Variants in DNM3 observed in about 807,000 individuals in gnomAD.
The protein encoded by DNM3 is dynamin-3.
Under a neutral mutation model 101.6 loss-of-function variants are expected in DNM3, and 47 were observed. The observed-to-expected ratio is 0.46, with a 90% CI of 0.37 to 0.59. The LOEUF (loss-of-function observed/expected upper bound fraction) is 0.59, where lower values mean the gene tolerates loss of function less well. Ranked by LOEUF, DNM3 falls within the 20% of genes least tolerant of loss-of-function variation. The probability of loss-of-function intolerance (pLI) is 0.00; values close to 1 mark genes in which losing one functional copy is unlikely to be tolerated. For missense variants in DNM3, 849 were observed against 1,085.7 expected, an observed-to-expected ratio of 0.78 and a Z score of 3.06; for synonymous variants, 385 against 387.9, an observed-to-expected ratio of 0.99 and a Z score of 0.09.
chr1:172,167,428 T>A (rs2058791737), intron 14 of DNM3, among the ~76,000 whole-genome samples: 1 of 152,126 alleles, frequency 6.6e-6, no homozygotes, highest in Admixed American at 6.6e-5. Flanking sequence ...CCTCTGGGTA[T>A]ATACCCAGGA....
At chr1:172,003,626 C>T (rs1016651829) in intron 4 of DNM3, among the ~76,000 whole-genome samples, 1 of 151,720 alleles carries the variant, frequency 6.6e-6, no homozygotes, top group Non-Finnish European at 1.5e-5. Context: ...TGCCAGGTAC[C>T]TTGAATACAA....
At chr1:172,017,440 T>G (rs546041400) in intron 4 of DNM3, among the ~76,000 whole-genome samples, 131 of 152,262 alleles carry the variant, frequency 8.6e-4, no homozygotes, top group African/African-American at 2.9e-3. Flanking sequence ...CTCATAAGAT[T>G]TTTTTTACCC....
intron 14 of DNM3, among the ~76,000 whole-genome samples, chr1:172,178,401 T>A (rs1262721166): frequency 6.6e-6 from 1 of 151,958 alleles, no homozygotes; most frequent in East Asian, 1.9e-4. Flanking sequence ...ATTTATTGAG[T>A]ATTTATTATG....
chr1:172,410,339 C>T lies in DNM3; in HGVS notation c.*2498C>T, dbSNP rs2071135489. 1.0e-6 allele frequency: 1 copy of T among 985,170 alleles called. No homozygotes were observed. The highest frequency in any genetic ancestry group is 1.7e-5 in the African/African-American group (1 of 57,202). The allele number at this position is 985,170 out of a possible 1,614,324, so 61.0% of individuals were successfully genotyped here. A position where few individuals can be genotyped will look rare whatever the true frequency, so the allele number is the denominator to read the frequency against. On this transcript the variant is annotated 3_prime_UTR_variant, in exon 21 of 21. Coordinates refer to ENST00000627582, the MANE Select transcript of DNM3 (RefSeq NM_015569.5). ...AATGTAGCTTAATGATTTTCTGTTT[C>T]CCATACCATTTCTAATCTTTTGTGT... is the stretch of plus-strand genomic sequence containing the variant.
At chr1:171,865,879 T>C (rs372202985) in intron 1 of DNM3, among the ~76,000 whole-genome samples, 5 of 152,330 alleles carry the variant, frequency 3.3e-5, no homozygotes. Flanking sequence ...ATCCCTTTCC[T>C]ACATTTTCAG....
At position 172,018,393 on chromosome 1, in the gene DNM3, T is replaced by A. The variant is rs370101703; in HGVS notation, c.590-14009T>A. ...CACTTTTCTAAAACTTCTAAGTGGT[T>A]GCTCTAGAATTTGCTATATACATTT... On this transcript the variant is annotated intron_variant, in intron 4 of 20. Coordinates refer to ENST00000627582, the MANE Select transcript of DNM3 (RefSeq NM_015569.5). Among the ~76,000 whole-genome samples, 29 of 152,332 alleles carry A rather than the reference T, an allele frequency of 1.9e-4. No homozygotes were observed. The South Asian group carries it at 5.8e-3, about 30-fold the overall frequency.
At chr1:172,010,460 A>G (rs2047032479) in intron 4 of DNM3, among the ~76,000 whole-genome samples, 1 of 151,054 alleles carries the variant, frequency 6.6e-6, no homozygotes, top group Admixed American at 6.6e-5. Flanking sequence ...TTCACTGGAT[A>G]TTGAATTTTA....
intron 14 of DNM3, among the ~76,000 whole-genome samples, chr1:172,229,174 G>A (rs1409307202): frequency 6.6e-6 from 1 of 151,966 alleles, no homozygotes; most frequent in East Asian, 1.9e-4. Context: ...GAACTCACTG[G>A]GCTTCATAAA....
intron 6 of DNM3, 122 bp downstream of exon 6, chr1:172,033,387 A>T: frequency 1.8e-6 from 2 of 1,122,306 alleles, no homozygotes; most frequent in Non-Finnish European, 2.5e-6. Flanking sequence ...CTTCAATGAT[A>T]GGGATTTTAA....
chr1:172,413,290 T>G (rs1389301753), downstream of DNM3, among the ~76,000 whole-genome samples: 1 of 152,106 alleles, frequency 6.6e-6, no homozygotes, highest in Non-Finnish European at 1.5e-5. Context: ...GCAGTGGCAC[T>G]ATCTCGGCTC....
intron 17 of DNM3, among the ~76,000 whole-genome samples, chr1:172,335,684 A>G (rs1213426330): frequency 2.6e-5 from 4 of 152,168 alleles, no homozygotes; most frequent in African/African-American, 9.7e-5. Flanking sequence ...TCAAATTAAC[A>G]CAGAAACAGA....
chr1:172,367,883 A>G (rs1455574846), intron 17 of DNM3, among the ~76,000 whole-genome samples: 2 of 151,852 alleles, frequency 1.3e-5, no homozygotes, highest in African/African-American at 4.8e-5. Context: ...GGTAGAATGT[A>G]ATTGAATCAT....
At chr1:171,886,175 A>T (rs1443578933) in intron 1 of DNM3, among the ~76,000 whole-genome samples, 1 of 152,222 alleles carries the variant, frequency 6.6e-6, no homozygotes, top group Non-Finnish European at 1.5e-5. Flanking sequence ...TTGTAAATAC[A>T]TGGTAAAGGC....
intron 1 of DNM3, among the ~76,000 whole-genome samples, chr1:171,863,980 G>A (rs552714493): frequency 1.3e-5 from 2 of 152,120 alleles, no homozygotes; most frequent in Non-Finnish European, 2.9e-5. Context: ...TGTGCAAAAC[G>A]CCAAGGACTT....
intron 16 of DNM3, among the ~76,000 whole-genome samples, chr1:172,318,786 C>G (rs1176385179): frequency 6.6e-6 from 1 of 152,142 alleles, no homozygotes; most frequent in East Asian, 1.9e-4. Context: ...TGGGAAGAAT[C>G]AATATCATGA....
intron 13 of DNM3, among the ~76,000 whole-genome samples, chr1:172,122,949 A>G (rs1034667300): frequency 6.6e-6 from 1 of 152,142 alleles, no homozygotes; most frequent in Non-Finnish European, 1.5e-5. Flanking sequence ...TAAAAGAAAT[A>G]ATGTGTGTGA....
At chr1:172,014,751 T>C (rs12088862) in intron 4 of DNM3, among the ~76,000 whole-genome samples, 46,421 of 151,782 alleles carry the variant, frequency 0.31, 8,981 homozygotes, top group African/African-American at 0.55. Flanking sequence ...ACTTGTTTTC[T>C]CACTTTTTAA....
At chr1:172,004,214 G>A (rs1394564196) in intron 4 of DNM3, among the ~76,000 whole-genome samples, 5 of 152,042 alleles carry the variant, frequency 3.3e-5, no homozygotes, top group Non-Finnish European at 7.4e-5. Flanking sequence ...TTGAAGAATA[G>A]CAATGTGTTC....
At chr1:172,414,975 C>A (rs533244553), downstream of DNM3, among the ~76,000 whole-genome samples, 3 of 151,728 alleles carry the variant, frequency 2.0e-5, no homozygotes, top group African/African-American at 7.3e-5. Flanking sequence ...TTCCAGCTAC[C>A]GGAGAGGCTG....
Sources: gnomAD v4.1 joint callset for allele counts (sites outside exome capture counted in the v4.1 genomes callset) on GRCh38, gnomAD v4.1.1 for gene constraint, MANE v1.5 for transcripts, NCBI Gene and HGNC (gene_info 2026-07-23, HGNC 2026-07-21) for gene names.